The following EXOSC10 variants were observed in gnomAD, a reference collection of about 807,000 sequenced individuals.
EXOSC10 encodes exosome complex component 10.
EXOSC10 carries 94 observed loss-of-function variants against 126.6 expected under a neutral mutation model. That is an observed-to-expected ratio of 0.74 (90% CI 0.63 to 0.88). The LOEUF is 0.88. Among genes scored for constraint, EXOSC10 ranks in the 40% least tolerant of loss-of-function variants. The pLI is 0.00. For missense variants in EXOSC10, 1,041 were observed against 1,100.5 expected, an observed-to-expected ratio of 0.95 and a Z score of 0.77; for synonymous variants, 395 against 400.8, an observed-to-expected ratio of 0.99 and a Z score of 0.17.
At chr1:11,087,424 A>G (rs1198623456) in intron 9 of EXOSC10, 24 bp downstream of exon 9, 5 of 1,613,840 alleles carry the variant, frequency 3.1e-6, no homozygotes, top group Non-Finnish European at 4.2e-6. Context: ...GCTCACATGC[A>G]TGAGTTACAA....
In EXOSC10 at chr1:11,090,658, C is replaced by T. The variant is rs1264937203; in HGVS notation, c.654G>A (p.Lys218=). 1 of 1,608,738 alleles carries T rather than the reference C, an allele frequency of 6.2e-7. No homozygotes were observed. Among genetic ancestry groups the T allele is most frequent in the Admixed American group, 1.7e-5 (1 of 58,732 alleles). ...AQKPLPQALS[K]ERRERPQDRP... ...GATCCTGTGGGCGTTCCCGCCTTTC[C>T]TTAGAGAGAGCTGGGGATCCCAGCA... Residue 218 remains lysine (K), a synonymous_variant, in exon 6 of 25, where the codon AAG becomes AAA. Transcript: ENST00000376936.
intron 21 of EXOSC10, among the ~76,000 whole-genome samples, chr1:11,070,017 C>T (rs1459679192): frequency 6.6e-6 from 1 of 152,022 alleles, no homozygotes; most frequent in African/African-American, 2.4e-5. Context: ...GGGAGGACTG[C>T]TTTAGGCAGT....
intron 14 of EXOSC10, 27 bp downstream of exon 14, chr1:11,079,684 G>A (rs760822292): frequency 6.3e-7 from 1 of 1,588,004 alleles, no homozygotes; most frequent in South Asian, 1.1e-5. Flanking sequence ...GTGAGCCACT[G>A]TGCCCAGCCG....
intron 17 of EXOSC10, among the ~76,000 whole-genome samples, chr1:11,075,853 C>CAA (rs58667041): frequency 0.049 from 1,738 of 35,132 alleles, 535 homozygotes; most frequent in African/African-American, 0.13. Flanking sequence ...GATCCTGTCA[C>CAA]AAAAAAAAAA....
At chr1:11,071,919 C>T in intron 20 of EXOSC10, 168 bp downstream of exon 20, 2 of 596,288 alleles carry the variant, frequency 3.4e-6, no homozygotes, top group South Asian at 4.1e-5. Flanking sequence ...CTCTGCACAG[C>T]ACCTGCTGCC....
chr1:11,087,146 A>G (rs1640540627), intron 9 of EXOSC10, among the ~76,000 whole-genome samples: 1 of 152,232 alleles, frequency 6.6e-6, no homozygotes, highest in Non-Finnish European at 1.5e-5. Context: ...AACCAATGAG[A>G]CACATGAAAG....
rs1557690891 is a variant in EXOSC10, at chr1:11,069,260, G to GAGAGAGAGAGAGAGAGA, written c.2488+298_2488+299insTCTCTCTCTCTCTCTCT. On this transcript the variant is annotated intron_variant, in intron 22 of 24. Coordinates refer to ENST00000376936, the MANE Select transcript of EXOSC10 (RefSeq NM_001001998.3). ...GTGTGTGTGTGAGAGAGAGAGAGAGGGTTTATGGGCACAAGTTATAGTGAG... is the reference window on the plus strand; with the variant it reads ...GTGTGTGTGTGAGAGAGAGAGAGAGGAGAGAGAGAGAGAGAGAGTTTATGGGCACAAGTTATAGTGAG... 5.6e-4 allele frequency among the ~76,000 whole-genome samples: 66 copies of GAGAGAGAGAGAGAGAGA among 118,694 alleles called. 3 individuals carry two copies. The highest frequency in any genetic ancestry group is 2.0e-3 in the East Asian group (7 of 3,562). 77.9% of individuals were successfully genotyped at this position (118,694 alleles called of 152,430 possible). A position where few individuals can be genotyped will look rare whatever the true frequency, so the allele number is the denominator to read the frequency against.
intron 17 of EXOSC10, among the ~76,000 whole-genome samples, chr1:11,076,397 G>C (rs1388470863): frequency 1.3e-5 from 2 of 152,078 alleles, no homozygotes; most frequent in African/African-American, 4.8e-5. Context: ...CATATGTGGT[G>C]CTGGGGTCAG....
At position 11,073,966 on chromosome 1, in the gene EXOSC10, C is replaced by T. The variant is rs765413962; in HGVS notation, c.2125G>A (p.Ala709Thr). The part of the protein sequence containing the change: ...LGHRAPVSQA[A>T]KFDPSTKIYE... ...ATTTTGGTTGATGGATCGAACTTCGCTGCCTGAGAGACGGGAGCACGGTGT... is the reference window on the plus strand; with the variant it reads ...ATTTTGGTTGATGGATCGAACTTCGTTGCCTGAGAGACGGGAGCACGGTGT... Residue 709 changes from alanine (A) to threonine (T), a missense_variant, in exon 19 of 25, where the codon GCG becomes ACG. By Grantham distance (58) the Ala-to-Thr change is moderately conservative (BLOSUM62 0). Transcript: ENST00000376936. 1 of 1,612,962 alleles carries T rather than the reference C, an allele frequency of 6.2e-7. No individual in the cohort carries two copies. The highest frequency in any genetic ancestry group is 8.5e-7 in the Non-Finnish European group (1 of 1,179,774).
chr1:11,082,026 G>A (rs533341073), intron 10 of EXOSC10, among the ~76,000 whole-genome samples: 1 of 150,894 alleles, frequency 6.6e-6, no homozygotes, highest in South Asian at 2.1e-4. Context: ...AGGTTGTGGT[G>A]AGCCGAGATC....
At chr1:11,074,469 G>T (rs1639702911) in intron 17 of EXOSC10, 143 bp from the exon 18 acceptor site, 1 of 604,412 alleles carries the variant, frequency 1.7e-6, no homozygotes, top group South Asian at 1.8e-5. Context: ...CTGGAGTACA[G>T]TGGTGTGATC....
rs545188645 is a variant in EXOSC10, at chr1:11,067,380, A to C, written c.2627+628T>G. Among the ~76,000 whole-genome samples the C allele has an allele frequency of 2.0e-5, 3 of 151,368 alleles. No homozygotes were observed. In the South Asian group the frequency reaches 6.3e-4, roughly 32 times the overall value. ...CCGGGAGGCGCAGCTTGCAGTGAGC[A>C]GAGATCGTGCCACTGCACTCCAGCC... On this transcript the variant is annotated intron_variant, in intron 24 of 24. Transcript: ENST00000376936.
In EXOSC10 at chr1:11,071,927, G is replaced by A. The variant is rs1639521781; in HGVS notation, c.2242+160C>T. ...CCAATCTCTCTGCACAGCACCTGCT[G>A]CCATCTGCCAGGATAGATACTGATT... On this transcript the variant is annotated intron_variant, in intron 20 of 24. Coordinates refer to ENST00000376936, the MANE Select transcript of EXOSC10 (RefSeq NM_001001998.3). The A allele has an allele frequency of 5.0e-6, 3 of 596,258 alleles. No individual in the cohort carries two copies. In the South Asian group the frequency reaches 6.2e-5, roughly 12 times the overall value. 36.9% of individuals were successfully genotyped at this position (596,258 alleles called of 1,614,324 possible).
At chr1:11,095,579 T>C (rs1032447635) in intron 3 of EXOSC10, 179 bp downstream of exon 3, 3 of 463,980 alleles carry the variant, frequency 6.5e-6, no homozygotes, top group Admixed American at 3.3e-5. Flanking sequence ...CCAGGTGTGG[T>C]GGCGGGCGCC....
At chr1:11,067,591 G>T (rs1210225833) in intron 24 of EXOSC10, among the ~76,000 whole-genome samples, 1 of 152,184 alleles carries the variant, frequency 6.6e-6, no homozygotes, top group Non-Finnish European at 1.5e-5. Flanking sequence ...GTGACAGAAT[G>T]AGACTCTCAC....
rs376505606 is a variant in EXOSC10 at position 11,077,684 on chromosome 1, T to C, written c.1750-33A>G. The C allele has an allele frequency of 3.1e-6, 5 of 1,589,656 alleles. No individual in the cohort carries two copies. In the African/African-American group the frequency reaches 4.0e-5, roughly 13 times the overall value. ...AAAAAACGAAGGGAATTGAGGAAAG[T>C]TGCCCAAGCACCTCAAGTCCAACCC... On this transcript the variant is annotated intron_variant, in intron 14 of 24. Coordinates refer to ENST00000376936, the MANE Select transcript of EXOSC10 (RefSeq NM_001001998.3).
At position 11,088,024 on chromosome 1, in the gene EXOSC10, A is replaced by AG. The variant is rs555607822; in HGVS notation, c.834+98_834+99insC. On this transcript the variant is annotated intron_variant, in intron 7 of 24. Coordinates refer to ENST00000376936, the MANE Select transcript of EXOSC10 (RefSeq NM_001001998.3). ...CCCAAAACTGTAACTTTCTCCCTTA[A>AG]AGATCTTCAAGGAAAGTCAAAATTG... 2.4e-3 allele frequency: 3,073 copies of AG among 1,280,486 alleles called. 12 individuals are homozygous for AG. Among genetic ancestry groups the AG allele is most frequent in the Non-Finnish European group, 3.1e-3 (2,754 of 893,062 alleles). 79.3% of individuals were successfully genotyped at this position (1,280,486 alleles called of 1,614,324 possible). A position where few individuals can be genotyped will look rare whatever the true frequency, so the allele number is the denominator to read the frequency against.
At position 11,091,145 on chromosome 1, in the gene EXOSC10, G is replaced by C; in HGVS notation, c.512C>G (p.Thr171Ser). ...AEYGKKAKSE[T>S]FRLLHAKNII... ...ATTTTTTGCATGAAGCAGCCGGAAA[G>C]TTTCAGATTTTGCTTTTTTGCCATA... Residue 171 changes from threonine to serine, a missense_variant, in exon 5 of 25, where the codon ACT (threonine) becomes AGT (serine). Around this residue, in one of 3 missense-constraint regions of EXOSC10, gnomAD observed 645 missense variants for 656.3 expected, o/e 0.98. Transcript: ENST00000376936. 6.2e-7 allele frequency: 1 copy of C among 1,614,082 alleles called. No homozygotes were observed. Among genetic ancestry groups the C allele is most frequent in the Non-Finnish European group, 8.5e-7 (1 of 1,180,010 alleles).
chr1:11,084,019 G>A (rs1640347374), intron 9 of EXOSC10, among the ~76,000 whole-genome samples: 1 of 152,138 alleles, frequency 6.6e-6, no homozygotes, highest in Non-Finnish European at 1.5e-5. Flanking sequence ...TCTTAATCCA[G>A]TCTATCATTG....
Sources: allele counts gnomAD v4.1 joint callset (sites outside exome capture counted in the v4.1 genomes callset), GRCh38; gene constraint gnomAD v4.1.1; regional missense constraint gnomAD v4.1.1; transcripts MANE v1.5; gene names NCBI Gene and HGNC (gene_info 2026-07-23, HGNC 2026-07-21).